CD163L1: variants seen among roughly 807,000 people sequenced by gnomAD.
CD163L1 encodes CD163 molecule like 1.
A neutral mutation model predicts 165.4 loss-of-function variants in CD163L1; 124 were observed. The ratio of observed to expected loss-of-function variants is 0.75; its 90% confidence interval spans 0.65 to 0.87. The LOEUF (loss-of-function observed/expected upper bound fraction) is 0.87. Among genes scored for constraint, CD163L1 ranks in the 40% least tolerant of loss-of-function variants. CD163L1 has a pLI of 0.00. For missense variants in CD163L1, 1,525 were observed against 1,799.9 expected (o/e 0.85, Z 2.76); for synonymous variants, 585 against 662.2 (o/e 0.88, Z 1.79).
chr12:7,377,097 A>G (rs1947285690), intron 9 of CD163L1, among the ~76,000 whole-genome samples: 1 of 152,102 alleles, frequency 6.6e-6, no homozygotes, highest in South Asian at 2.1e-4. Flanking sequence ...ACTGCTCTTC[A>G]GCTGCATTGG....
Position 7,374,729 on chromosome 12 carries a change from C to T in CD163L1, c.3122G>A (p.Gly1041Glu). 1 of 1,613,926 alleles carries T rather than the reference C, an allele frequency of 6.2e-7. No homozygotes were observed. Among genetic ancestry groups the T allele is most frequent in the Non-Finnish European group, 8.5e-7 (1 of 1,179,864 alleles). The stretch of plus-strand genomic sequence containing the variant: ...TACTCTCCCGGCACAGCGGCTGTCC[C>T]CATCCACTAGGCGGAGCCGTTTGTC... The part of the protein sequence containing the change: ...LEDKRLRLVD[G>E]DSRCAGRVEI... Residue 1041 changes from glycine (G) to glutamate (E), a missense_variant, in exon 13 of 20, where the codon GGG (glycine) becomes GAG (glutamate). Coordinates refer to ENST00000313599, the MANE Select transcript of CD163L1 (RefSeq NM_174941.6). The surrounding 1 kb of genome is among the most constrained non-coding windows in gnomAD (Gnocchi z 5.4).
At chr12:7,356,829 A>T (rs1027096414) in intron 19 of CD163L1, among the ~76,000 whole-genome samples, 2 of 152,144 alleles carry the variant, frequency 1.3e-5, no homozygotes, top group Admixed American at 6.6e-5. Context: ...TCAATGCAAC[A>T]TTATTATATA....
chr12:7,433,346 T>C, intron 3 of CD163L1, 28 bp downstream of exon 3: 1 of 1,551,386 alleles, frequency 6.4e-7, no homozygotes, highest in Non-Finnish European at 8.7e-7. Flanking sequence ...GGTCTTACCT[T>C]GCCTTCCTAC....
At chr12:7,443,129 C>T (rs1948850843) in intron 1 of CD163L1, among the ~76,000 whole-genome samples, 1 of 152,194 alleles carries the variant, frequency 6.6e-6, no homozygotes, top group Non-Finnish European at 1.5e-5. Context: ...AGATAGAAGG[C>T]AGCCAAGCTT....
chr12:7,421,605 A>ATATATG (rs1948428237), intron 4 of CD163L1, among the ~76,000 whole-genome samples: 1 of 10,426 alleles, frequency 9.6e-5, no homozygotes, highest in African/African-American at 2.0e-4. Context: ...ATATATGTAC[A>ATATATG]CATATACATA....
chr12:7,379,684 G>A (rs1947344525), intron 8 of CD163L1, among the ~76,000 whole-genome samples: 2 of 152,136 alleles, frequency 1.3e-5, no homozygotes, highest in South Asian at 4.1e-4. Flanking sequence ...AGAATGTTAG[G>A]AAGAGGTGAT....
intron 18 of CD163L1, among the ~76,000 whole-genome samples, chr12:7,365,326 C>A (rs894934468): frequency 6.6e-6 from 1 of 151,956 alleles, no homozygotes; most frequent in Non-Finnish European, 1.5e-5. Context: ...GAAGAAAACA[C>A]TGGGAAACAC....
At chr12:7,430,554 T>C (rs987144544) in intron 4 of CD163L1, among the ~76,000 whole-genome samples, 2 of 152,338 alleles carry the variant, frequency 1.3e-5, no homozygotes, top group South Asian at 2.1e-4. Flanking sequence ...ACTGTGCTAA[T>C]TGTTAGGAAT....
intron 8 of CD163L1, among the ~76,000 whole-genome samples, chr12:7,380,833 G>C (rs147346762): frequency 5.4e-4 from 82 of 152,206 alleles, no homozygotes; most frequent in African/African-American, 1.8e-3. Flanking sequence ...AATTAATTCT[G>C]AGCCTAATTG....
At chr12:7,349,129 G>A (rs759252659) in intron 4 of CD163L1, among the ~76,000 whole-genome samples, 3 of 152,088 alleles carry the variant, frequency 2.0e-5, no homozygotes, top group Non-Finnish European at 4.4e-5. Flanking sequence ...TATGTTTAGA[G>A]ACTGATAAGC....
At chr12:7,422,579 T>C (rs1948458810) in intron 4 of CD163L1, among the ~76,000 whole-genome samples, 1 of 151,530 alleles carries the variant, frequency 6.6e-6, no homozygotes, top group Non-Finnish European at 1.5e-5. Context: ...AATAATCAGT[T>C]TAGAGAAGAA....
chr12:7,360,171 T>TGGCTCTTGTCACCCAGGCTGGAGTGC (rs1946863065), intron 18 of CD163L1, among the ~76,000 whole-genome samples: 1 of 152,090 alleles, frequency 6.6e-6, no homozygotes, highest in African/African-American at 2.4e-5. Context: ...AGATGGAGTT[T>TGGCTCTTGTCACCCAGGCTGGAGTGC]CGCTCTTGTC....
At chr12:7,333,484 T>C in the CD163L1 span, among the ~76,000 whole-genome samples, 2 of 152,106 alleles carry the variant, frequency 1.3e-5, no homozygotes, top group Non-Finnish European at 2.9e-5. Context: ...GGGACACATT[T>C]AAAGCAGTGT....
chr12:7,350,834 C>T (rs540754487), downstream of CD163L1, among the ~76,000 whole-genome samples: 29 of 152,246 alleles, frequency 1.9e-4, no homozygotes, highest in South Asian at 6.0e-3. Context: ...ATCCATTTAG[C>T]ATTTACTCCA....
Position 7,367,277 on chromosome 12 carries a change from G to T in CD163L1, c.4238C>A (p.Thr1413Asn). 1 of 1,613,458 alleles carries T rather than the reference G, an allele frequency of 6.2e-7. No homozygotes were observed. The highest frequency in any genetic ancestry group is 8.5e-7 in the Non-Finnish European group (1 of 1,179,566). The change falls in exon 18 of 20, where the codon ACC (threonine) becomes AAC (asparagine). Residue 1413 changes from threonine (T) to asparagine (N), a missense_variant. Physicochemically the swap from Thr to Asn is moderately conservative, Grantham distance 65. Transcript: ENST00000313599. ...LEENLFHEME[T>N]CLKREDPHGT... The stretch of plus-strand genomic sequence containing the variant: ...ATGTGGGTCCTCTCTCTTGAGGCAG[G>T]TCTCCATCTCATGGAATAAATTCTC...
chr12:7,379,286 A>G lies in CD163L1; in HGVS notation c.2063T>C (p.Met688Thr), dbSNP rs140799105. Residue 688 changes from methionine to threonine, a missense_variant, in exon 9 of 20, where the codon ATG becomes ACG. Physicochemically the swap from Met to Thr is moderately conservative, Grantham distance 81. Transcript: ENST00000313599. ...VGVICSDASD[M>T]ELRLVGGSSR... ...GCTTCCACCCACAAGCCTCAGCTCCATATCCGATGCATCTGAAACCAAATA... is the reference window on the plus strand; with the variant it reads ...GCTTCCACCCACAAGCCTCAGCTCCGTATCCGATGCATCTGAAACCAAATA... The G allele has an allele frequency of 2.0e-5, 32 of 1,613,712 alleles. No individual in the cohort carries two copies. The highest frequency in any genetic ancestry group is 2.5e-5 in the Non-Finnish European group (29 of 1,179,790).
chr12:7,387,490 G>A (rs1044606472), intron 8 of CD163L1, among the ~76,000 whole-genome samples: 37 of 152,212 alleles, frequency 2.4e-4, no homozygotes, highest in Non-Finnish European at 1.6e-4. Flanking sequence ...CTAATGGGCA[G>A]TGTTTGCCTC....
intron 1 of CD163L1, among the ~76,000 whole-genome samples, chr12:7,442,695 T>C (rs1223122439): frequency 6.6e-6 from 1 of 152,222 alleles, no homozygotes; most frequent in African/African-American, 2.4e-5. Flanking sequence ...CTTATTTCTT[T>C]TGTTCCTAAT....
intron 7 of CD163L1, among the ~76,000 whole-genome samples, chr12:7,397,940 G>A (rs1947813667): frequency 6.6e-6 from 1 of 152,184 alleles, no homozygotes; most frequent in South Asian, 2.1e-4. Flanking sequence ...GGGTTAGAAA[G>A]GCTCTAATAG....
Sources: allele counts gnomAD v4.1 joint callset (sites outside exome capture counted in the v4.1 genomes callset), GRCh38; gene constraint gnomAD v4.1.1; non-coding constraint Gnocchi (gnomAD v3.1); transcripts MANE v1.5; gene names NCBI Gene and HGNC (gene_info 2026-07-23, HGNC 2026-07-21).